Variants in NELL1 observed in about 807,000 individuals in gnomAD.
The protein encoded by NELL1 is protein kinase C-binding protein NELL1.
Under a neutral mutation model 107.4 loss-of-function variants are expected in NELL1, and 76 were observed. That is an observed-to-expected ratio of 0.71 (90% CI 0.59 to 0.86). The LOEUF (loss-of-function observed/expected upper bound fraction) is 0.86. Among genes scored for constraint, NELL1 ranks in the 40% least tolerant of loss-of-function variants. The probability of loss-of-function intolerance (pLI) is 0.00; values close to 1 mark genes in which losing one functional copy is unlikely to be tolerated. For missense variants in NELL1, 1,024 were observed against 1,005.5 expected, an observed-to-expected ratio of 1.02 and a Z score of -0.25; for synonymous variants, 353 against 341.2, an observed-to-expected ratio of 1.03 and a Z score of -0.38.
chr11:21,390,004 C>A (rs1322086839), intron 15 of NELL1, among the ~76,000 whole-genome samples: 1 of 151,778 alleles, frequency 6.6e-6, no homozygotes, highest in East Asian at 2.0e-4. Flanking sequence ...TTGTTATACC[C>A]ATTTATATTC....
Position 21,184,219 on chromosome 11 carries a change from C to T in NELL1, c.1427-45113C>T, listed in dbSNP as rs1470545121. 7.9e-5 allele frequency among the ~76,000 whole-genome samples: 12 copies of T among 151,746 alleles called. 1 individual carries two copies. The highest frequency in any genetic ancestry group is 7.9e-4 in the Admixed American group (12 of 15,240). On this transcript the variant is annotated intron_variant, in intron 13 of 19. Coordinates refer to ENST00000357134, the MANE Select transcript of NELL1 (RefSeq NM_006157.5). Reference sequence around the variant, plus strand: ...CCCTCCTACCCCATTCTATGTCCTCCTCTTTTTTCTTAGTTCATTGGCATG... The same window carrying T: ...CCCTCCTACCCCATTCTATGTCCTCTTCTTTTTTCTTAGTTCATTGGCATG...
At chr11:20,968,414 T>G (rs981391575) in intron 12 of NELL1, among the ~76,000 whole-genome samples, 1 of 152,176 alleles carries the variant, frequency 6.6e-6, no homozygotes, top group African/African-American at 2.4e-5. Flanking sequence ...TGTTTTCTTA[T>G]GTCAAGTTCA....
chr11:21,550,948 C>T (rs1205691155), intron 16 of NELL1, among the ~76,000 whole-genome samples: 8 of 151,174 alleles, frequency 5.3e-5, no homozygotes, highest in East Asian at 3.9e-4. Context: ...GCCATTTTCA[C>T]GATGTTGATT....
chr11:21,192,659 T>A (rs1857071760), intron 13 of NELL1, among the ~76,000 whole-genome samples: 1 of 151,814 alleles, frequency 6.6e-6, no homozygotes, highest in Non-Finnish European at 1.5e-5. Context: ...TGTTTTGTAG[T>A]GACAGATTTT....
chr11:21,036,330 T>C (rs1252531369), intron 12 of NELL1, among the ~76,000 whole-genome samples: 1 of 152,146 alleles, frequency 6.6e-6, no homozygotes, highest in African/African-American at 2.4e-5. Flanking sequence ...ATAGATTCAG[T>C]GCTACTCCTA....
At chr11:21,471,985 ATTTTAGCC>A (rs1251340080) in intron 15 of NELL1, among the ~76,000 whole-genome samples, 1 of 152,054 alleles carries the variant, frequency 6.6e-6, no homozygotes, top group Non-Finnish European at 1.5e-5. Context: ...ACAGTACATT[ATTTTAGCC>A]TGTTTCTGAA....
intron 14 of NELL1, among the ~76,000 whole-genome samples, chr11:21,324,972 TC>T (rs906512180): frequency 6.6e-6 from 1 of 152,038 alleles, no homozygotes; most frequent in African/African-American, 2.4e-5. Flanking sequence ...CTTTCCAACC[TC>T]CCCCCATCTT....
At chr11:21,305,349 G>A (rs1849583907) in intron 14 of NELL1, among the ~76,000 whole-genome samples, 2 of 151,980 alleles carry the variant, frequency 1.3e-5, no homozygotes, top group South Asian at 4.1e-4. Flanking sequence ...AGCAGTAAAA[G>A]TCTGCTATTT....
chr11:21,114,818 A>G (rs930931397), intron 13 of NELL1, among the ~76,000 whole-genome samples: 47 of 152,032 alleles, frequency 3.1e-4, no homozygotes, highest in African/African-American at 1.1e-3. Context: ...CTAGGATTTC[A>G]GTGTTTTAAA....
intron 15 of NELL1, among the ~76,000 whole-genome samples, chr11:21,453,659 C>G (rs1853643828): frequency 6.6e-6 from 1 of 151,782 alleles, no homozygotes; most frequent in Non-Finnish European, 1.5e-5. Flanking sequence ...GGGTTTAAAT[C>G]TACCTTATTG....
At chr11:20,918,316 A>T (rs569854582) in intron 6 of NELL1, 62 bp downstream of exon 6, 1 of 1,053,668 alleles carries the variant, frequency 9.5e-7, no homozygotes, top group Non-Finnish European at 1.5e-6. Flanking sequence ...TCAGAGAAAC[A>T]CATCTGGAAA....
intron 5 of NELL1, among the ~76,000 whole-genome samples, chr11:20,897,574 A>G (rs1849769275): frequency 2.6e-5 from 4 of 152,170 alleles, no homozygotes; most frequent in Admixed American, 2.0e-4. Flanking sequence ...AATGGGATCT[A>G]ATTAAACTAA....
intron 2 of NELL1, among the ~76,000 whole-genome samples, chr11:20,774,058 C>T (rs1273701336): frequency 7.3e-5 from 7 of 96,138 alleles, no homozygotes; most frequent in African/African-American, 2.9e-4. Flanking sequence ...CCTCCCCTCC[C>T]CTCCTGTCCC....
intron 2 of NELL1, among the ~76,000 whole-genome samples, chr11:20,755,896 T>TGG (rs1856272778): frequency 2.4e-5 from 3 of 125,972 alleles, no homozygotes; most frequent in Non-Finnish European, 4.9e-5. Context: ...TTTTTTTTTT[T>TGG]TTTTTTTTTT....
intron 15 of NELL1, among the ~76,000 whole-genome samples, chr11:21,390,441 C>T (rs1024010502): frequency 6.7e-6 from 1 of 149,982 alleles, no homozygotes; most frequent in African/African-American, 2.4e-5. Flanking sequence ...TAGATGTTAC[C>T]TATTGACTTC....
intron 2 of NELL1, among the ~76,000 whole-genome samples, chr11:20,691,716 G>A: frequency 6.6e-6 from 1 of 151,702 alleles, no homozygotes; most frequent in East Asian, 1.9e-4. Flanking sequence ...TTGCATCAAT[G>A]TCCATCAAGG....
intron 15 of NELL1, among the ~76,000 whole-genome samples, chr11:21,522,604 TA>T (rs145173200): frequency 0.011 from 1,652 of 152,068 alleles, 36 homozygotes; most frequent in East Asian, 0.073. Flanking sequence ...AGAAATTACT[TA>T]ACTGGGTACA....
chr11:21,203,720 C>A (rs1016617709), intron 13 of NELL1, among the ~76,000 whole-genome samples: 2 of 152,096 alleles, frequency 1.3e-5, no homozygotes, highest in Non-Finnish European at 2.9e-5. Context: ...ATGGCCTTTA[C>A]AATTTGATAT....
intron 12 of NELL1, among the ~76,000 whole-genome samples, chr11:21,070,774 A>G (rs1045711190): frequency 1.3e-5 from 2 of 152,156 alleles, no homozygotes; most frequent in Admixed American, 1.3e-4. Flanking sequence ...AGCGTCTCAT[A>G]AAATCTGAGA....
Sources: gnomAD v4.1 joint callset for allele counts (sites outside exome capture counted in the v4.1 genomes callset) on GRCh38, gnomAD v4.1.1 for gene constraint, MANE v1.5 for transcripts, NCBI Gene and HGNC (gene_info 2026-07-23, HGNC 2026-07-21) for gene names.